GLIS3: variants seen among roughly 807,000 people sequenced by gnomAD.
GLIS3 encodes the protein zinc finger protein GLIS3.
Under a neutral mutation model 78.6 loss-of-function variants are expected in GLIS3, and 53 were observed. The ratio of observed to expected loss-of-function variants is 0.67; its 90% CI spans 0.54 to 0.85. GLIS3 has a LOEUF of 0.85. GLIS3 is among the 40% of genes least tolerant of loss of function. The pLI is 0.00. For missense variants in GLIS3, 1,703 were observed against 1,231.1 expected, an observed-to-expected ratio of 1.38 and a Z score of -5.74; for synonymous variants, 684 against 509.9, an observed-to-expected ratio of 1.34 and a Z score of -4.60.
intron 4 of GLIS3, among the ~76,000 whole-genome samples, chr9:4,111,326 C>G (rs1831192393): frequency 6.6e-6 from 1 of 152,266 alleles, no homozygotes; most frequent in South Asian, 2.1e-4. Context: ...CTCTCATTAT[C>G]TATTGTTTTT....
intron 2 of GLIS3, among the ~76,000 whole-genome samples, chr9:4,264,799 G>A (rs529828388): frequency 6.6e-6 from 1 of 151,984 alleles, no homozygotes; most frequent in African/African-American, 2.4e-5. Flanking sequence ...ACTTTCATTA[G>A]AACATAAGGT....
intron 6 of GLIS3, among the ~76,000 whole-genome samples, chr9:3,916,992 ACT>A (rs1458427404): frequency 2.0e-5 from 3 of 152,192 alleles, no homozygotes; most frequent in African/African-American, 4.8e-5. Flanking sequence ...CAAAGAGGTA[ACT>A]CTGAGATAGT....
intron 4 of GLIS3, among the ~76,000 whole-genome samples, chr9:3,971,480 G>A (rs889654980): frequency 1.3e-5 from 2 of 152,110 alleles, no homozygotes; most frequent in Non-Finnish European, 2.9e-5. Flanking sequence ...AGCCATTGGG[G>A]GAAACTAATA....
chr9:4,211,061 A>G (rs1323911854), intron 2 of GLIS3, among the ~76,000 whole-genome samples: 2 of 152,216 alleles, frequency 1.3e-5, no homozygotes, highest in East Asian at 3.8e-4. Context: ...CTACGGATTA[A>G]ACAGGCGCCC....
At chr9:4,093,853 G>T (rs952930307) in intron 4 of GLIS3, among the ~76,000 whole-genome samples, 1 of 152,156 alleles carries the variant, frequency 6.6e-6, no homozygotes, top group Non-Finnish European at 1.5e-5. Flanking sequence ...AAGACAAGTT[G>T]ACCAGAAGGC....
At chr9:4,344,294 T>C (rs577188713) in intron 2 of GLIS3, among the ~76,000 whole-genome samples, 1 of 152,330 alleles carries the variant, frequency 6.6e-6, no homozygotes, top group South Asian at 2.1e-4. Flanking sequence ...AGGCCACTAA[T>C]GACCTCCGTA....
chr9:4,057,151 G>A (rs1826219509), intron 4 of GLIS3, among the ~76,000 whole-genome samples: 2 of 152,116 alleles, frequency 1.3e-5, no homozygotes, highest in Non-Finnish European at 2.9e-5. Context: ...GGAACCAGAA[G>A]TAGAGAGAAT....
At chr9:3,913,449 C>T (rs558448395) in intron 6 of GLIS3, among the ~76,000 whole-genome samples, 1 of 152,336 alleles carries the variant, frequency 6.6e-6, no homozygotes, top group East Asian at 1.9e-4. Flanking sequence ...TCTCACCTAG[C>T]TTCGTGTGGC....
the GLIS3 span, among the ~76,000 whole-genome samples, chr9:4,471,287 C>G: frequency 2.0e-5 from 3 of 152,048 alleles, no homozygotes; most frequent in African/African-American, 7.2e-5. Flanking sequence ...AAAAAGAGCC[C>G]GCATTGCCAA....
the GLIS3 span, among the ~76,000 whole-genome samples, chr9:4,414,769 T>A: frequency 1.3e-5 from 2 of 152,182 alleles, no homozygotes; most frequent in East Asian, 1.9e-4. Context: ...ATCCTGCATA[T>A]CTGATCATCC....
chr9:4,023,804 T>A (rs1419295936), intron 4 of GLIS3, among the ~76,000 whole-genome samples: 3 of 152,158 alleles, frequency 2.0e-5, no homozygotes, highest in Non-Finnish European at 4.4e-5. Context: ...TGACTGAGGG[T>A]GCTGGTTCAC....
At chr9:4,159,723 G>GAA (rs59121033) in intron 2 of GLIS3, among the ~76,000 whole-genome samples, 26 of 147,036 alleles carry the variant, frequency 1.8e-4, no homozygotes, top group Middle Eastern at 3.4e-3. Flanking sequence ...CATTTCAAAA[G>GAA]AAAAAAAAAA....
chr9:4,428,460 GGTGACAGA>G, the GLIS3 span, among the ~76,000 whole-genome samples: 120 of 142,646 alleles, frequency 8.4e-4, no homozygotes, highest in African/African-American at 3.0e-3. Context: ...CTCCAGCCTG[GGTGACAGA>G]GTGAGACTCT....
At chr9:4,347,755 G>T (rs1449129449) in intron 1 of GLIS3, among the ~76,000 whole-genome samples, 1 of 151,938 alleles carries the variant, frequency 6.6e-6, no homozygotes, top group Non-Finnish European at 1.5e-5. Flanking sequence ...GGTGGGGGTT[G>T]GGGGAGTCTA....
chr9:4,095,536 G>C (rs1025458556), intron 4 of GLIS3, among the ~76,000 whole-genome samples: 7 of 152,176 alleles, frequency 4.6e-5, no homozygotes, highest in Admixed American at 2.0e-4. Flanking sequence ...ATTACTGAAT[G>C]ATGGGTCAAG....
At chr9:4,468,901 G>A in the GLIS3 span, among the ~76,000 whole-genome samples, 2 of 152,164 alleles carry the variant, frequency 1.3e-5, no homozygotes, top group South Asian at 2.1e-4. Flanking sequence ...CATCTCACCT[G>A]CAGAGACACA....
chr9:3,976,795 C>CAAAAAA (rs540496174), intron 4 of GLIS3, among the ~76,000 whole-genome samples: 15 of 26,184 alleles, frequency 5.7e-4, no homozygotes, highest in Non-Finnish European at 9.6e-4. Flanking sequence ...CCTCCCCCTG[C>CAAAAAA]AAAAAAAAAA....
chr9:4,125,303 A>C (rs1352233947), intron 3 of GLIS3, among the ~76,000 whole-genome samples: 1 of 152,220 alleles, frequency 6.6e-6, no homozygotes, highest in African/African-American at 2.4e-5. Context: ...GGATGGATGC[A>C]CAGATGGACA....
At chr9:4,287,851 A>G (rs903497876) in intron 1 of GLIS3, among the ~76,000 whole-genome samples, 6 of 152,270 alleles carry the variant, frequency 3.9e-5, no homozygotes, top group African/African-American at 1.4e-4. Flanking sequence ...CCTTCTGCAA[A>G]GTTTGCTGTG....
Sources: gnomAD v4.1 joint callset for allele counts (sites outside exome capture counted in the v4.1 genomes callset) on GRCh38, gnomAD v4.1.1 for gene constraint, MANE v1.5 for transcripts, NCBI Gene and HGNC (gene_info 2026-07-23, HGNC 2026-07-21) for gene names.